Variants in UNC5D observed in about 807,000 individuals in gnomAD.
UNC5D encodes unc-5 netrin receptor D, also known as netrin receptor UNC5D.
UNC5D carries 39 observed loss-of-function variants against 105.4 expected under a neutral mutation model. The observed-to-expected ratio is 0.37, with a 90% CI of 0.29 to 0.48. The LOEUF (loss-of-function observed/expected upper bound fraction) is 0.48. Among genes scored for constraint, UNC5D ranks in the 20% least tolerant of loss-of-function variants. The probability of loss-of-function intolerance (pLI) is 0.98; values close to 1 mark genes in which losing one functional copy is unlikely to be tolerated. For synonymous variants in UNC5D, 452 were observed against 450.4 expected (o/e 1.00, Z -0.04); for missense variants, 991 against 1,202.4 (o/e 0.82, Z 2.60).
At chr8:35,249,898 A>G (rs2128810730) in intron 1 of UNC5D, among the ~76,000 whole-genome samples, 1 of 152,204 alleles carries the variant, frequency 6.6e-6, no homozygotes, top group East Asian at 1.9e-4. Flanking sequence ...CTTTGAATCT[A>G]CAAATCCCTT....
intron 7 of UNC5D, among the ~76,000 whole-genome samples, chr8:35,701,319 AGCAGCCCTCTGTCT>A (rs1334809644): frequency 6.6e-6 from 1 of 152,186 alleles, no homozygotes; most frequent in Non-Finnish European, 1.5e-5. Flanking sequence ...GCTTTTGAGG[AGCAGCCCTCTGTCT>A]GCAGCCCTCA....
At chr8:35,731,315 C>T (rs557495318) in intron 11 of UNC5D, among the ~76,000 whole-genome samples, 89 of 142,524 alleles carry the variant, frequency 6.2e-4, no homozygotes, top group Middle Eastern at 8.1e-3. Context: ...GCTGGAGAAT[C>T]GCTTGAACCT....
intron 1 of UNC5D, among the ~76,000 whole-genome samples, chr8:35,508,610 C>T (rs1287561367): frequency 6.6e-6 from 1 of 152,196 alleles, no homozygotes; most frequent in Non-Finnish European, 1.5e-5. Context: ...AAAGTGACCT[C>T]ATATCTCTTC....
intron 4 of UNC5D, among the ~76,000 whole-genome samples, chr8:35,599,275 G>A (rs1481813723): frequency 6.6e-6 from 1 of 151,760 alleles, no homozygotes; most frequent in African/African-American, 2.4e-5. Flanking sequence ...GGTTAGAGAG[G>A]ACTATGTTTA....
chr8:35,399,884 G>T (rs1351899851), intron 1 of UNC5D, among the ~76,000 whole-genome samples: 1 of 152,068 alleles, frequency 6.6e-6, no homozygotes, highest in Non-Finnish European at 1.5e-5. Context: ...TGACACAATG[G>T]GACCTGAAGG....
chr8:35,697,685 A>G (rs193207584), intron 7 of UNC5D, among the ~76,000 whole-genome samples: 62 of 152,290 alleles, frequency 4.1e-4, no homozygotes, highest in African/African-American at 1.3e-3. Flanking sequence ...TTCATTTGAC[A>G]GATATTTATT....
chr8:35,790,608 T>A lies in UNC5D; in HGVS notation c.*45T>A. On this transcript the variant is annotated 3_prime_UTR_variant, in exon 17 of 17. Coordinates refer to ENST00000404895, the MANE Select transcript of UNC5D (RefSeq NM_080872.4). ...CAGAGTGATGGCCAGCTTGGGGACA[T>A]TTGCTTTAAATGGGAAAGAGGCCGC... is the stretch of plus-strand genomic sequence containing the variant. The A allele has an allele frequency of 2.5e-6, 4 of 1,607,430 alleles. No individual in the cohort carries two copies. The highest frequency in any genetic ancestry group is 3.4e-6 in the Non-Finnish European group (4 of 1,176,210).
chr8:35,722,278 C>T lies in UNC5D; in HGVS notation c.1186C>T (p.Leu396=), dbSNP rs1828622178. The T allele has an allele frequency of 6.2e-7, 1 of 1,614,160 alleles. No individual in the cohort carries two copies. Among genetic ancestry groups the T allele is most frequent in the Non-Finnish European group, 8.5e-7 (1 of 1,180,022 alleles). ...LGAAVVAVAV[L]VIGVTLYRRS... ...TGCTGCCGTCGTGGCCGTTGCAGTC[C>T]TGGTCATTGGTGTCACCCTTTACAG... is the stretch of plus-strand genomic sequence containing the variant. Residue 396 remains leucine (L), a synonymous_variant, in exon 9 of 17, where the codon CTG becomes TTG. Coordinates refer to ENST00000404895, the MANE Select transcript of UNC5D (RefSeq NM_080872.4).
At chr8:35,718,970 T>C (rs923055794) in intron 8 of UNC5D, among the ~76,000 whole-genome samples, 1 of 152,114 alleles carries the variant, frequency 6.6e-6, no homozygotes, top group African/African-American at 2.4e-5. Flanking sequence ...GGAATGGTCA[T>C]GGGAAAAGTT....
At chr8:35,627,160 A>G (rs1267270554) in intron 4 of UNC5D, among the ~76,000 whole-genome samples, 3 of 152,226 alleles carry the variant, frequency 2.0e-5, no homozygotes, top group African/African-American at 4.8e-5. Flanking sequence ...AGGGACAAGT[A>G]GGAAAAAGCT....
At chr8:35,622,782 C>T (rs1290981305) in intron 4 of UNC5D, among the ~76,000 whole-genome samples, 1 of 152,128 alleles carries the variant, frequency 6.6e-6, no homozygotes, top group Non-Finnish European at 1.5e-5. Context: ...GAAGTGAGGT[C>T]ATGTTGAAAT....
intron 1 of UNC5D, among the ~76,000 whole-genome samples, chr8:35,521,031 C>T (rs917346811): frequency 5.9e-5 from 9 of 152,194 alleles, no homozygotes; most frequent in Middle Eastern, 3.4e-3. Context: ...TCCTTTTTCA[C>T]TCAAGAGACT....
chr8:35,454,104 C>A (rs918897308), intron 1 of UNC5D, among the ~76,000 whole-genome samples: 1 of 152,226 alleles, frequency 6.6e-6, no homozygotes, highest in Middle Eastern at 3.4e-3. Context: ...AATCTACCAA[C>A]CTGACAGACT....
At chr8:35,634,262 T>G (rs947790031) in intron 4 of UNC5D, among the ~76,000 whole-genome samples, 5 of 152,208 alleles carry the variant, frequency 3.3e-5, no homozygotes, top group Admixed American at 3.3e-4. Context: ...AGAATTTCCA[T>G]TCAATCAAGG....
intron 10 of UNC5D, among the ~76,000 whole-genome samples, chr8:35,729,741 C>G (rs1829087965): frequency 6.6e-6 from 1 of 152,114 alleles, no homozygotes; most frequent in Non-Finnish European, 1.5e-5. Context: ...GACTGGAGGT[C>G]TCTAAGTGTG....
At chr8:35,415,275 T>C (rs1478317581) in intron 1 of UNC5D, among the ~76,000 whole-genome samples, 7 of 152,172 alleles carry the variant, frequency 4.6e-5, no homozygotes, top group Admixed American at 3.9e-4. Flanking sequence ...GTTGTCTGGA[T>C]ACTCAAGTCA....
intron 2 of UNC5D, among the ~76,000 whole-genome samples, chr8:35,555,402 A>C (rs979107692): frequency 6.6e-6 from 1 of 152,248 alleles, no homozygotes; most frequent in East Asian, 1.9e-4. Context: ...CATCCTTAGC[A>C]GTGACAGAAA....
At chr8:35,592,482 T>A (rs1819233268) in intron 3 of UNC5D, among the ~76,000 whole-genome samples, 1 of 152,196 alleles carries the variant, frequency 6.6e-6, no homozygotes. Context: ...GTGTTCAGAT[T>A]GCCTATTCAG....
intron 7 of UNC5D, among the ~76,000 whole-genome samples, chr8:35,687,381 G>A (rs572878364): frequency 6.6e-6 from 1 of 150,510 alleles, no homozygotes; most frequent in South Asian, 2.1e-4. Flanking sequence ...GGTGGAGCTT[G>A]CAGTGAGCCA....
Sources: gnomAD v4.1 joint callset for allele counts (sites outside exome capture counted in the v4.1 genomes callset) on GRCh38, gnomAD v4.1.1 for gene constraint, MANE v1.5 for transcripts, NCBI Gene and HGNC (gene_info 2026-07-23, HGNC 2026-07-21) for gene names.